The following PEG3 variants were observed in gnomAD, a reference collection of about 807,000 sequenced individuals.
PEG3 encodes paternally expressed 3.
Under a neutral mutation model 35.5 loss-of-function variants are expected in PEG3, and 23 were observed. The ratio of observed to expected loss-of-function variants is 0.65; its 90% confidence interval spans 0.47 to 0.92. The LOEUF (loss-of-function observed/expected upper bound fraction) is 0.92, where lower values mean the gene tolerates loss of function less well. Among genes scored for constraint, PEG3 ranks in the 40% least tolerant of loss-of-function variants. PEG3 has a pLI of 0.00. For missense variants in PEG3, 1,960 were observed against 1,985.3 expected (o/e 0.99, Z 0.24); for synonymous variants, 707 against 697.0 (o/e 1.01, Z -0.23).
chr19:56,825,920 T>C (rs2060981263), intron 3 of PEG3, among the ~76,000 whole-genome samples: 1 of 152,180 alleles, frequency 6.6e-6, no homozygotes, highest in Non-Finnish European at 1.5e-5. Context: ...TAAACTCATG[T>C]TTACTCGTCT....
intron 1 of PEG3, among the ~76,000 whole-genome samples, chr19:56,840,254 C>T (rs2062853234): frequency 5.3e-5 from 8 of 152,218 alleles, no homozygotes; most frequent in Admixed American, 5.2e-4. Flanking sequence ...TGCGGTGGCC[C>T]CCGGCCAGTC....
chr19:56,824,233 G>T (rs771854254), intron 4 of PEG3, 29 bp downstream of exon 4: 2 of 1,606,128 alleles, frequency 1.2e-6, no homozygotes, highest in South Asian at 2.2e-5. Flanking sequence ...GGCCTGCACT[G>T]ACCACCAACA....
chr19:56,826,885 T>C (rs1034468503), intron 2 of PEG3, among the ~76,000 whole-genome samples: 2 of 152,234 alleles, frequency 1.3e-5, no homozygotes, highest in African/African-American at 2.4e-5. Flanking sequence ...TATATGCTTC[T>C]ATTCTGTGAA....
chr19:56,810,163 C>T lies in PEG3; in HGVS notation c.*3512G>A, dbSNP rs2048019651. ...CATATTAACAAACCAAAAACCTGTG[C>T]ACAGAAACAAGATGAAGAAAATATA... On this transcript the variant is annotated 3_prime_UTR_variant, in exon 10 of 10. Coordinates refer to ENST00000326441, the MANE Select transcript of PEG3 (RefSeq NM_006210.3). 3 of 980,118 alleles carry T rather than the reference C, an allele frequency of 3.1e-6. No individual in the cohort carries two copies. In the South Asian group the frequency reaches 1.4e-4, roughly 46 times the overall value. 60.7% of individuals were successfully genotyped at this position (980,118 alleles called of 1,614,324 possible). A position where few individuals can be genotyped will look rare whatever the true frequency, so the allele number is the denominator to read the frequency against.
rs756583649 is a variant in PEG3 at position 56,836,036 on chromosome 19, C to T, written c.-181G>A. 7 of 511,602 alleles carry T rather than the reference C, an allele frequency of 1.4e-5. No homozygotes were observed. The highest frequency in any genetic ancestry group is 2.0e-5 in the Admixed American group (1 of 50,728). 31.7% of individuals were successfully genotyped at this position (511,602 alleles called of 1,614,324 possible). On this transcript the variant is annotated 5_prime_UTR_variant, in exon 2 of 10. Transcript: ENST00000326441. ...AACTCACCTGGACCCAGCCACCTAG[C>T]GTTTGGACCTAGTCCCTCTTCCTCT... is the stretch of plus-strand genomic sequence containing the variant.
intron 2 of PEG3, among the ~76,000 whole-genome samples, chr19:56,834,789 T>C (rs1013573288): frequency 1.3e-5 from 2 of 152,154 alleles, no homozygotes; most frequent in Non-Finnish European, 2.9e-5. Flanking sequence ...ACCACCACCA[T>C]AGCCACCTAT....
intron 1 of PEG3, among the ~76,000 whole-genome samples, chr19:56,837,544 C>T (rs1247763636): frequency 6.6e-6 from 1 of 152,236 alleles, no homozygotes; most frequent in Non-Finnish European, 1.5e-5. Context: ...TGAACCCGCC[C>T]GCTTCCCGAG....
chr19:56,836,323 G>A (rs1403576261), intron 1 of PEG3, among the ~76,000 whole-genome samples: 3 of 152,058 alleles, frequency 2.0e-5, no homozygotes, highest in Non-Finnish European at 4.4e-5. Context: ...CTCCAACAAG[G>A]TTACATCAAA....
Position 56,824,681 on chromosome 19 carries a change from G to T in PEG3, c.-26C>A, listed in dbSNP as rs781716775. ...TTCTCTAAGTAAAATTTTCACTGGA[G>T]GAACCAAACATGAGTCAACAGGAAA... On this transcript the variant is annotated 5_prime_UTR_variant, in exon 4 of 10. Transcript: ENST00000326441. 1 of 1,579,750 alleles carries T rather than the reference G, an allele frequency of 6.3e-7. No individual in the cohort carries two copies. Among genetic ancestry groups the T allele is most frequent in the South Asian group, 1.2e-5 (1 of 86,716 alleles).
At position 56,816,420 on chromosome 19, in the gene PEG3, C is replaced by G. The variant is rs376523755; in HGVS notation, c.2022G>C (p.Arg674Ser). ...TCTCCTTATTGTAAGTTTTCTGACG[C>G]CTTTTAAGGGACTGACCAGGAATAA... is the stretch of plus-strand genomic sequence containing the variant. ...ETFIPGQSLKRRQKTYNKEKL... is the reference protein window; with the variant it reads ...ETFIPGQSLKSRQKTYNKEKL... Residue 674 changes from arginine (R) to serine (S), a missense_variant, in exon 10 of 10, where the codon AGG (arginine) becomes AGC (serine). Physicochemically the swap from Arg to Ser is moderately radical, Grantham distance 110. Coordinates refer to ENST00000326441, the MANE Select transcript of PEG3 (RefSeq NM_006210.3). 1.4e-5 allele frequency: 22 copies of G among 1,613,792 alleles called. No individual in the cohort carries two copies. The highest frequency in any genetic ancestry group is 1.6e-4 in the Middle Eastern group (1 of 6,082).
In PEG3 at chr19:56,817,457, C is replaced by T. The variant is rs142489254; in HGVS notation, c.985G>A (p.Gly329Arg). The T allele has an allele frequency of 6.2e-7, 1 of 1,613,914 alleles. No homozygotes were observed. The highest frequency in any genetic ancestry group is 1.3e-5 in the African/African-American group (1 of 74,906). ...CGGTCGCTTGACTCCCTTGCTCTTC[C>T]CGATTTGGAACTGCGTGACACATCC... ...IKDVSRSSKS[G>R]RARESSDRSQ... is the part of the protein sequence containing the mutation. The change falls in exon 10 of 10, where the codon GGA (glycine) becomes AGA (arginine). Residue 329 changes from glycine (G) to arginine (R), a missense_variant. Around this residue, in one of 5 missense-constraint regions of PEG3, gnomAD observed 613 missense variants for 577.1 expected, o/e 1.06. Transcript: ENST00000326441.
Position 56,816,158 on chromosome 19 carries a change from T to A in PEG3, c.2284A>T (p.Ile762Phe), listed in dbSNP as rs768592437. The A allele has an allele frequency of 1.9e-6, 3 of 1,614,004 alleles. No individual in the cohort carries two copies. Among genetic ancestry groups the A allele is most frequent in the East Asian group, 2.2e-5 (1 of 44,890 alleles). ...ISSNPYENQK[I>F]PTKENVYEAK... ...TCATAGACATTTTCCTTAGTGGGAA[T>A]CTTCTGGTTTTCATAGGGGTTAGAG... Residue 762 changes from isoleucine to phenylalanine, a missense_variant, in exon 10 of 10, where the codon ATT becomes TTT. Physicochemically the swap from Ile to Phe is conservative, Grantham distance 21 (BLOSUM62 0). Coordinates refer to ENST00000326441, the MANE Select transcript of PEG3 (RefSeq NM_006210.3).
At chr19:56,823,555 C>T in intron 5 of PEG3, 38 bp downstream of exon 5, 1 of 1,612,680 alleles carries the variant, frequency 6.2e-7, no homozygotes, top group Non-Finnish European at 8.5e-7. Flanking sequence ...CTGGCAGCGC[C>T]TGCCCATGGG....
At chr19:56,833,303 G>A in intron 2 of PEG3, 1 of 405,550 alleles carries the variant, frequency 2.5e-6, no homozygotes, top group Non-Finnish European at 4.9e-6. Context: ...ATTAAAAGGG[G>A]GCTGGAATTG....
chr19:56,836,786 T>C (rs1367916447), intron 1 of PEG3, among the ~76,000 whole-genome samples: 1 of 152,016 alleles, frequency 6.6e-6, no homozygotes, highest in Non-Finnish European at 1.5e-5. Flanking sequence ...CTGGCCAAAA[T>C]GGCGAAACCC....
intron 4 of PEG3, 38 bp downstream of exon 4, chr19:56,824,224 G>A (rs778503734): frequency 1.2e-6 from 2 of 1,601,200 alleles, no homozygotes; most frequent in African/African-American, 1.3e-5. Context: ...GACACCTGAG[G>A]CCTGCACTGA....
At chr19:56,839,127 A>G (rs2062614745) in intron 1 of PEG3, among the ~76,000 whole-genome samples, 1 of 151,990 alleles carries the variant, frequency 6.6e-6, no homozygotes, top group Admixed American at 6.5e-5. Flanking sequence ...CACTTTCATT[A>G]AAGATGGCGC....
In PEG3 at chr19:56,817,752, T is replaced by C; in HGVS notation, c.856A>G (p.Ser286Gly). The C allele has an allele frequency of 6.2e-7, 1 of 1,613,882 alleles. No individual in the cohort carries two copies. The highest frequency in any genetic ancestry group is 1.1e-5 in the South Asian group (1 of 91,070). ...GGATGTGCCTCCTGCTTACCTCGAC[T>C]GGTGCTTGGGTAGGCACTTCTCTTG... ...RSKRSAYPST[S>G]RGLKTMPEAK... The change falls in exon 9 of 10, where the codon AGT (serine) becomes GGT (glycine). Residue 286 changes from serine (S) to glycine (G), a missense_variant. By Grantham distance (56) the Ser-to-Gly change is moderately conservative. Coordinates refer to ENST00000326441, the MANE Select transcript of PEG3 (RefSeq NM_006210.3).
Position 56,817,363 on chromosome 19 carries a change from A to G in PEG3, c.1079T>C (p.Val360Ala), listed in dbSNP as rs1257085149. The stretch of plus-strand genomic sequence containing the variant: ...CCCTTCATAAACCCGCTGCTGGATC[A>G]CTGACTCCCTCTTGTTCAATGAAAT... ...KDISLNKRES[V>A]IQQRVYEGNA... is the part of the protein sequence containing the mutation. Residue 360 changes from valine (V) to alanine (A), a missense_variant, in exon 10 of 10, where the codon GTG becomes GCG. Val to Ala is a moderately conservative substitution (Grantham distance 64). Coordinates refer to ENST00000326441, the MANE Select transcript of PEG3 (RefSeq NM_006210.3). The G allele has an allele frequency of 2.5e-6, 4 of 1,613,982 alleles. No individual in the cohort carries two copies. In the South Asian group the frequency reaches 4.4e-5, roughly 18 times the overall value.
Sources: allele counts gnomAD v4.1 joint callset (sites outside exome capture counted in the v4.1 genomes callset), GRCh38; gene constraint gnomAD v4.1.1; regional missense constraint gnomAD v4.1.1; transcripts MANE v1.5; gene names NCBI Gene and HGNC (gene_info 2026-07-23, HGNC 2026-07-21).